Variants in FOXP1 observed in about 807,000 individuals in gnomAD.
FOXP1 encodes the protein forkhead box protein P1.
Under a neutral mutation model 98.2 loss-of-function variants are expected in FOXP1, and 15 were observed. The ratio of observed to expected loss-of-function variants is 0.15; its 90% CI spans 0.10 to 0.24. FOXP1 has a LOEUF of 0.24. FOXP1 is among the 10% of genes least tolerant of loss of function. The pLI is 1.00. For missense variants in FOXP1, 633 were observed against 848.5 expected (o/e 0.75, Z 3.15); for synonymous variants, 371 against 314.5 (o/e 1.18, Z -1.90).
intron 6 of FOXP1, among the ~76,000 whole-genome samples, chr3:71,186,704 C>T (rs571427954): frequency 3.3e-5 from 5 of 152,112 alleles, no homozygotes; most frequent in South Asian, 4.2e-4. Flanking sequence ...AGCAAGACTC[C>T]GTCTCAAACG....
intron 4 of FOXP1, among the ~76,000 whole-genome samples, chr3:71,337,465 T>C (rs558950265): frequency 3.3e-5 from 5 of 152,346 alleles, no homozygotes; most frequent in African/African-American, 9.6e-5. Flanking sequence ...AGCATGTGTA[T>C]AGTTGGGAGT....
At chr3:71,349,400 GTGATGCTTCTACAC>G (rs1254737237) in intron 4 of FOXP1, among the ~76,000 whole-genome samples, 4 of 152,166 alleles carry the variant, frequency 2.6e-5, no homozygotes, top group Non-Finnish European at 4.4e-5. Context: ...AAATTGCACA[GTGATGCTTCTACAC>G]TGATCTGTTA....
intron 2 of FOXP1, among the ~76,000 whole-genome samples, chr3:71,551,815 A>G (rs952414352): frequency 1.3e-5 from 2 of 152,224 alleles, no homozygotes; most frequent in Non-Finnish European, 2.9e-5. Flanking sequence ...GGCTTCTAGT[A>G]TAATTCACAT....
intron 14 of FOXP1, among the ~76,000 whole-genome samples, chr3:70,982,438 T>TTTCTATTTAAAAGA (rs1362390278): frequency 6.6e-6 from 1 of 152,196 alleles, no homozygotes; most frequent in Non-Finnish European, 1.5e-5. Context: ...TTGTGTTCCT[T>TTTCTATTTAAAAGA]TTCTATTTAA....
At chr3:71,274,612 T>C (rs1011299567) in intron 5 of FOXP1, among the ~76,000 whole-genome samples, 1 of 152,206 alleles carries the variant, frequency 6.6e-6, no homozygotes, top group African/African-American at 2.4e-5. Context: ...AAGTCTTATA[T>C]GGCATGCAAC....
At chr3:71,010,009 G>C (rs1017333112) in intron 12 of FOXP1, among the ~76,000 whole-genome samples, 1 of 149,716 alleles carries the variant, frequency 6.7e-6, no homozygotes, top group Non-Finnish European at 1.5e-5. Context: ...TTCCACCTTA[G>C]CCTCCAAATG....
chr3:71,372,505 A>G (rs1167667513), intron 3 of FOXP1, among the ~76,000 whole-genome samples: 2 of 152,112 alleles, frequency 1.3e-5, no homozygotes, highest in South Asian at 2.1e-4. Flanking sequence ...GACAAACTCC[A>G]GGAGAACAGA....
At chr3:71,110,849 T>A (rs1304950768) in intron 7 of FOXP1, among the ~76,000 whole-genome samples, 1 of 152,238 alleles carries the variant, frequency 6.6e-6, no homozygotes, top group African/African-American at 2.4e-5. Context: ...TTATAGCACC[T>A]GACATGGGCC....
At chr3:71,320,504 G>A (rs2075326662) in intron 4 of FOXP1, among the ~76,000 whole-genome samples, 1 of 151,894 alleles carries the variant, frequency 6.6e-6, no homozygotes, top group Admixed American at 6.6e-5. Flanking sequence ...ATATAACTCA[G>A]GCACAAATAC....
intron 6 of FOXP1, among the ~76,000 whole-genome samples, chr3:71,130,057 C>T (rs927273958): frequency 2.6e-5 from 4 of 152,138 alleles, no homozygotes; most frequent in Non-Finnish European, 4.4e-5. Context: ...ATGACGGTGT[C>T]GTGATGCAAA....
In FOXP1 at chr3:71,142,118, T is replaced by C. The variant is rs1223578741; in HGVS notation, c.181-29481A>G. Among the ~76,000 whole-genome samples the C allele has an allele frequency of 2.7e-5, 4 of 146,998 alleles. No homozygotes were observed. The East Asian group carries it at 8.2e-4, about 30-fold the overall frequency. Reference sequence around the variant, plus strand: ...GCTTTCAATCAAATGACTTAATAAATACAAAATGTGTCATGTTGACAAACA... The same window carrying C: ...GCTTTCAATCAAATGACTTAATAAACACAAAATGTGTCATGTTGACAAACA... On this transcript the variant is annotated intron_variant, in intron 6 of 20. Coordinates refer to ENST00000649528, the MANE Select transcript of FOXP1 (RefSeq NM_001349338.3).
chr3:71,005,281 G>A (rs890286018), intron 12 of FOXP1, among the ~76,000 whole-genome samples: 1 of 75,618 alleles, frequency 1.3e-5, no homozygotes, highest in Admixed American at 2.2e-4. Flanking sequence ...AATAGAAACT[G>A]AATCAGAGGT....
intron 7 of FOXP1, among the ~76,000 whole-genome samples, chr3:71,068,493 T>C (rs946238260): frequency 6.6e-6 from 1 of 152,114 alleles, no homozygotes; most frequent in Non-Finnish European, 1.5e-5. Context: ...GCCCACGTGG[T>C]CCTCAGTTCC....
At chr3:71,372,460 G>A (rs148503638) in intron 3 of FOXP1, among the ~76,000 whole-genome samples, 67 of 152,140 alleles carry the variant, frequency 4.4e-4, no homozygotes, top group Non-Finnish European at 8.2e-4. Context: ...TTGTTCCTTC[G>A]TTTCACTTGC....
chr3:71,424,258 C>T (rs1427244342), intron 3 of FOXP1, among the ~76,000 whole-genome samples: 1 of 152,184 alleles, frequency 6.6e-6, no homozygotes, highest in African/African-American at 2.4e-5. Flanking sequence ...ACCTCCTCTG[C>T]AGTCAAACAG....
In FOXP1 at chr3:71,082,435, A is replaced by G. The variant is rs565363951; in HGVS notation, c.283-28662T>C. On this transcript the variant is annotated intron_variant, in intron 7 of 20. Coordinates refer to ENST00000649528, the MANE Select transcript of FOXP1 (RefSeq NM_001349338.3). ...AGTGGGAGCTGAACAACATGAACAC[A>G]TGGACACAGGGAGGGGAACATCACA... Among the ~76,000 whole-genome samples, 4 of 144,180 alleles carry G rather than the reference A, an allele frequency of 2.8e-5. No individual in the cohort carries two copies. The South Asian group carries it at 9.6e-4, about 35-fold the overall frequency. 94.6% of individuals were successfully genotyped at this position (144,180 alleles called of 152,430 possible). A position where few individuals can be genotyped will look rare whatever the true frequency, so the allele number is the denominator to read the frequency against.
At position 71,313,129 on chromosome 3, in the gene FOXP1, G is replaced by A. The variant is rs534689606; in HGVS notation, c.-72-13249C>T. Reference sequence around the variant, plus strand: ...CACTGGAGTGCAGTGGCGCAATCTCGGCTCACTGCAAGCTCCGCCTCCCGG... The same window carrying A: ...CACTGGAGTGCAGTGGCGCAATCTCAGCTCACTGCAAGCTCCGCCTCCCGG... On this transcript the variant is annotated intron_variant, in intron 4 of 20. Coordinates refer to ENST00000649528, the MANE Select transcript of FOXP1 (RefSeq NM_001349338.3). 7.4e-3 allele frequency among the ~76,000 whole-genome samples: 998 copies of A among 134,128 alleles called. 26 individuals are homozygous for A. The highest frequency in any genetic ancestry group is 4.8e-3 in the Non-Finnish European group (309 of 64,146). 88.0% of individuals were successfully genotyped at this position (134,128 alleles called of 152,430 possible). A position where few individuals can be genotyped will look rare whatever the true frequency, so the allele number is the denominator to read the frequency against.
At chr3:71,375,353 G>GA (rs1405887150) in intron 3 of FOXP1, among the ~76,000 whole-genome samples, 10 of 152,168 alleles carry the variant, frequency 6.6e-5, no homozygotes, top group African/African-American at 2.4e-4. Context: ...CCTGAATAAA[G>GA]AAACAGCTGG....
intron 4 of FOXP1, among the ~76,000 whole-genome samples, chr3:71,325,952 T>G (rs189725949): frequency 2.7e-4 from 41 of 152,282 alleles, no homozygotes; most frequent in African/African-American, 9.6e-4. Flanking sequence ...CTTTAACACT[T>G]AGTGATAAAA....
Sources: gnomAD v4.1 joint callset for allele counts (sites outside exome capture counted in the v4.1 genomes callset) on GRCh38, gnomAD v4.1.1 for gene constraint, MANE v1.5 for transcripts, NCBI Gene and HGNC (gene_info 2026-07-23, HGNC 2026-07-21) for gene names.